The following EIF3B variants were observed in gnomAD, a reference collection of about 807,000 sequenced individuals.
The protein encoded by EIF3B is eukaryotic translation initiation factor 3 subunit B.
EIF3B carries 10 observed loss-of-function variants against 104.6 expected under a neutral mutation model. That is an observed-to-expected ratio of 0.10 (90% CI 0.06 to 0.16). The LOEUF (loss-of-function observed/expected upper bound fraction) is 0.16. Ranked by LOEUF, EIF3B falls within the 10% of genes least tolerant of loss-of-function variation. The pLI, the probability that EIF3B is intolerant of heterozygous loss-of-function variation, is 1.00. For missense variants in EIF3B, 1,014 were observed against 1,087.9 expected, an observed-to-expected ratio of 0.93 and a Z score of 0.96; for synonymous variants, 542 against 417.2, an observed-to-expected ratio of 1.30 and a Z score of -3.65.
intron 11 of EIF3B, 115 bp downstream of exon 11, chr7:2,371,964 C>A (rs1780365745): frequency 1.2e-6 from 1 of 824,580 alleles, no homozygotes; most frequent in African/African-American, 1.7e-5. Context: ...ACTGTGAGCC[C>A]TCACCATGAA....
intron 9 of EIF3B, among the ~76,000 whole-genome samples, chr7:2,369,083 G>A (rs545999966): frequency 3.3e-5 from 5 of 152,280 alleles, no homozygotes; most frequent in Admixed American, 1.3e-4. Context: ...TTCCCCATTT[G>A]CACCTTAATT....
At chr7:2,372,174 C>G (rs897592318) in intron 11 of EIF3B, 46 of 321,480 alleles carry the variant, frequency 1.4e-4, no homozygotes, top group Non-Finnish European at 4.1e-5. Flanking sequence ...CCCCTGCACT[C>G]CAGCCTGGGT....
Position 2,379,382 on chromosome 7 carries a change from TTG to T in EIF3B, c.2342-10_2342-9del. 6.3e-7 allele frequency: 1 copy of T among 1,576,794 alleles called. No individual in the cohort carries two copies. The highest frequency in any genetic ancestry group is 8.6e-7 in the Non-Finnish European group (1 of 1,159,708). ...TGCCCCCATGGGTGATCTGCGCCCT[TTG>T]TCCCCTCAGGGGTGGACACTGACGA... On this transcript the variant is annotated splice_polypyrimidine_tract_variant and intron_variant, in intron 17 of 18. Transcript: ENST00000360876.
intron 2 of EIF3B, among the ~76,000 whole-genome samples, chr7:2,361,506 G>A (rs949635129): frequency 5.3e-5 from 8 of 151,976 alleles, no homozygotes; most frequent in South Asian, 4.1e-4. Flanking sequence ...TGAAAGCTCC[G>A]CCTCCCAGGT....
chr7:2,357,638 TTCTC>T (rs1294982062), intron 1 of EIF3B, among the ~76,000 whole-genome samples: 1 of 152,212 alleles, frequency 6.6e-6, no homozygotes, highest in Non-Finnish European at 1.5e-5. Context: ...TAACTATTCT[TTCTC>T]TTTCTATTTG....
chr7:2,374,676 G>T, intron 13 of EIF3B, 70 bp downstream of exon 13: 4 of 1,397,176 alleles, frequency 2.9e-6, no homozygotes, highest in Non-Finnish European at 3.0e-6. Flanking sequence ...CCCCTCAGGC[G>T]CCTGCACCCG....
chr7:2,379,236 C>T lies in EIF3B; in HGVS notation c.2335C>T (p.Arg779Ter). ...GCAGAAAAACGAGCGCCTGGAGTTG[C>T]GAGGAGGTAACTTAGAGATCCCTCA... Reference protein sequence around the residue: ...MEQKNERLELRGGVDTDELDS... With the variant: ...MEQKNERLEL Residue 779 changes from arginine to a stop codon, truncating the protein, a stop_gained, in exon 17 of 19, where the codon CGA becomes TGA. Coordinates refer to ENST00000360876, the MANE Select transcript of EIF3B (RefSeq NM_001037283.2). LOFTEE classifies it high-confidence loss of function. 1 of 1,611,402 alleles carries T rather than the reference C, an allele frequency of 6.2e-7. No homozygotes were observed. Among genetic ancestry groups the T allele is most frequent in the African/African-American group, 1.3e-5 (1 of 74,932 alleles).
intron 14 of EIF3B, 98 bp from the exon 15 acceptor site, chr7:2,376,852 G>A (rs573524630): frequency 4.0e-5 from 61 of 1,509,676 alleles, no homozygotes; most frequent in South Asian, 1.8e-4. Flanking sequence ...TGCTTCACAC[G>A]TGTCCCCGAT....
chr7:2,362,963 C>A (rs998336343), intron 3 of EIF3B, 107 bp from the exon 4 acceptor site: 381 of 1,487,230 alleles, frequency 2.6e-4, no homozygotes, highest in Middle Eastern at 1.4e-3. Flanking sequence ...CAGTCACAGC[C>A]CTGGGGGCGG....
At chr7:2,367,791 G>T (rs1780106491) in intron 9 of EIF3B, among the ~76,000 whole-genome samples, 1 of 145,860 alleles carries the variant, frequency 6.9e-6, no homozygotes, top group African/African-American at 2.6e-5. Flanking sequence ...TTAACCAGTT[G>T]GAGAGAAAAC....
intron 1 of EIF3B, among the ~76,000 whole-genome samples, chr7:2,359,147 A>C (rs1328062132): frequency 6.6e-6 from 1 of 152,186 alleles, no homozygotes; most frequent in African/African-American, 2.4e-5. Context: ...GTTTTTCAAA[A>C]AGGCTCTTTG....
chr7:2,360,948 C>A, intron 2 of EIF3B, 46 bp downstream of exon 2: 1 of 1,483,940 alleles, frequency 6.7e-7, no homozygotes, highest in South Asian at 1.2e-5. Flanking sequence ...TCTGGCACGT[C>A]ATGATGAGGG....
chr7:2,358,486 GAA>G (rs1196480480), intron 1 of EIF3B, among the ~76,000 whole-genome samples: 7 of 135,280 alleles, frequency 5.2e-5, no homozygotes, highest in Non-Finnish European at 1.2e-4. Context: ...ATACAGTAAA[GAA>G]TATTTTCGGA....
intron 5 of EIF3B, 93 bp downstream of exon 5, chr7:2,363,853 C>G: frequency 7.1e-7 from 1 of 1,407,026 alleles, no homozygotes. Context: ...ACTGGAAGAG[C>G]AGGTGACGTT....
intron 4 of EIF3B, 141 bp downstream of exon 4, chr7:2,363,268 C>A (rs987145529): frequency 1.3e-6 from 1 of 792,630 alleles, no homozygotes; most frequent in South Asian, 1.5e-5. Flanking sequence ...GCCTGGGCAA[C>A]AAAGTGAGAC....
rs140843513 is a variant in EIF3B at position 2,374,445 on chromosome 7, G to A, written c.1811-83G>A. On this transcript the variant is annotated intron_variant, in intron 12 of 18. Coordinates refer to ENST00000360876, the MANE Select transcript of EIF3B (RefSeq NM_001037283.2). ...AGCTCTGCCCTCATGGGCAGCATGA[G>A]CACGGCCAAGTCCTCCAGCCTTGGC... is the stretch of plus-strand genomic sequence containing the variant. 192 of 1,383,446 alleles carry A rather than the reference G, an allele frequency of 1.4e-4. 1 individual carries two copies. The African/African-American group carries it at 2.5e-3, about 18-fold the overall frequency. The allele number at this position is 1,383,446 out of a possible 1,614,324, so 85.7% of individuals were successfully genotyped here. A position where few individuals can be genotyped will look rare whatever the true frequency, so the allele number is the denominator to read the frequency against.
intron 6 of EIF3B, among the ~76,000 whole-genome samples, chr7:2,364,761 C>T (rs1044535798): frequency 1.3e-5 from 2 of 152,106 alleles, no homozygotes; most frequent in Admixed American, 6.5e-5. Context: ...ATAACATGTC[C>T]CTTTAGCCCT....
rs1779327327 is a variant in EIF3B at position 2,355,130 on chromosome 7, CGGCGGCCGAGGCAGA to C, written c.217_231del (p.Glu73_Ala77del). 7.1e-7 allele frequency: 1 copy of C among 1,404,470 alleles called. No homozygotes were observed. The allele number at this position is 1,404,470 out of a possible 1,614,324, so 87.0% of individuals were successfully genotyped here. Reference sequence around the variant, plus strand: ...CCGGAGTCCGAGGTGAGGACCGAGCCGGCGGCCGAGGCAGAGGCGGCCTCCGGCCCGTCCGAGTCG... The same window carrying C: ...CCGGAGTCCGAGGTGAGGACCGAGCCGGCGGCCTCCGGCCCGTCCGAGTCG... On this transcript the variant is annotated inframe_deletion, in exon 1 of 19. Transcript: ENST00000360876.
At chr7:2,374,340 T>G (rs1364278212) in intron 12 of EIF3B, 188 bp from the exon 13 acceptor site, 3 of 523,846 alleles carry the variant, frequency 5.7e-6, no homozygotes, top group Non-Finnish European at 6.9e-6. Flanking sequence ...TTTTTTCCCA[T>G]TTAAAGTATG....
Sources: allele counts gnomAD v4.1 joint callset (sites outside exome capture counted in the v4.1 genomes callset), GRCh38; gene constraint gnomAD v4.1.1; transcripts MANE v1.5; gene names NCBI Gene and HGNC (gene_info 2026-07-23, HGNC 2026-07-21).